FAM186A: variants seen among roughly 807,000 people sequenced by gnomAD.
FAM186A encodes the protein protein FAM186A.
Under a neutral mutation model 216.8 loss-of-function variants are expected in FAM186A, and 163 were observed. The observed-to-expected ratio is 0.75, with a 90% CI of 0.66 to 0.86. The LOEUF (loss-of-function observed/expected upper bound fraction) is 0.86. Among genes scored for constraint, FAM186A ranks in the 40% least tolerant of loss-of-function variants. The probability of loss-of-function intolerance (pLI) is 0.00; values close to 1 mark genes in which losing one functional copy is unlikely to be tolerated. For missense variants in FAM186A, 2,184 were observed against 2,746.2 expected, an observed-to-expected ratio of 0.80 and a Z score of 4.58; for synonymous variants, 805 against 1,025.3, an observed-to-expected ratio of 0.79 and a Z score of 4.10.
At chr12:50,338,921 A>C (rs1197097379) in intron 4 of FAM186A, among the ~76,000 whole-genome samples, 1 of 152,190 alleles carries the variant, frequency 6.6e-6, no homozygotes, top group African/African-American at 2.4e-5. Context: ...TCTCCTTGTC[A>C]GTGTTTCCTC....
intron 4 of FAM186A, among the ~76,000 whole-genome samples, chr12:50,339,137 A>T (rs1307900782): frequency 2.0e-5 from 3 of 151,606 alleles, no homozygotes; most frequent in Non-Finnish European, 1.5e-5. Context: ...ACCTCAGCCT[A>T]CCAAGTAGCT....
At chr12:50,375,300 C>A (rs1464286823) in intron 1 of FAM186A, among the ~76,000 whole-genome samples, 1 of 152,092 alleles carries the variant, frequency 6.6e-6, no homozygotes, top group Non-Finnish European at 1.5e-5. Context: ...GTAATCCCAG[C>A]AATTTGGGAG....
At chr12:50,373,078 A>AG (rs1943165235) in intron 1 of FAM186A, among the ~76,000 whole-genome samples, 1 of 145,038 alleles carries the variant, frequency 6.9e-6, no homozygotes, top group Non-Finnish European at 1.5e-5. Flanking sequence ...AAAGAAAGAG[A>AG]AAAGAAAGAA....
intron 4 of FAM186A, among the ~76,000 whole-genome samples, chr12:50,337,356 G>A (rs1592598489): frequency 7.1e-6 from 1 of 140,442 alleles, no homozygotes; most frequent in Non-Finnish European, 1.5e-5. Context: ...GTGCAGTGGC[G>A]CGATCTTGGC....
chr12:50,358,584 A>G (rs1943000427), intron 3 of FAM186A, among the ~76,000 whole-genome samples: 1 of 151,790 alleles, frequency 6.6e-6, no homozygotes, highest in Non-Finnish European at 1.5e-5. Flanking sequence ...TCCTGTCAAA[A>G]ACAAAACAAA....
chr12:50,343,581 G>A (rs1379177183), intron 4 of FAM186A, among the ~76,000 whole-genome samples: 2 of 150,828 alleles, frequency 1.3e-5, no homozygotes, highest in African/African-American at 4.9e-5. Flanking sequence ...GGACTACAGC[G>A]AACCCAGCTA....
At chr12:50,392,693 G>A (rs1943371214) in intron 1 of FAM186A, 1 of 151,224 alleles carries the variant, frequency 6.6e-6, no homozygotes, top group Admixed American at 6.6e-5. Flanking sequence ...CCGCCTCCTG[G>A]GTTCAAGCAA....
chr12:50,381,650 G>A (rs1943254498), intron 1 of FAM186A, among the ~76,000 whole-genome samples: 1 of 152,110 alleles, frequency 6.6e-6, no homozygotes, highest in African/African-American at 2.4e-5. Context: ...TTATATAACC[G>A]AACATAAACT....
intron 2 of FAM186A, among the ~76,000 whole-genome samples, chr12:50,361,550 G>T (rs1016727923): frequency 6.9e-6 from 1 of 143,922 alleles, no homozygotes; most frequent in Non-Finnish European, 1.5e-5. Context: ...AACTCATTTG[G>T]CAAGTTTATC....
At chr12:50,378,258 C>G (rs182157186) in intron 1 of FAM186A, among the ~76,000 whole-genome samples, 26 of 150,992 alleles carry the variant, frequency 1.7e-4, no homozygotes, top group Admixed American at 1.6e-3. Context: ...CAGCCGAGCA[C>G]GGTGGCTCAC....
Position 50,353,875 on chromosome 12 carries a change from TC to T in FAM186A, c.2956del (p.Asp986IlefsTer5). The T allele has an allele frequency of 6.4e-7, 1 of 1,551,876 alleles. No individual in the cohort carries two copies. The highest frequency in any genetic ancestry group is 8.7e-7 in the Non-Finnish European group (1 of 1,147,056). ...TTGTGTTTCCTTCATCTGCATCTGA[TC>T]CTTTGTTTTGATCTGCCTTTCGAGG... ...EDLERQIKTK[D>X]QMQMKETQPK... On this transcript the variant is annotated frameshift_variant, in exon 4 of 8. Coordinates refer to ENST00000327337, the MANE Select transcript of FAM186A (RefSeq NM_001145475.3). LOFTEE classifies it high-confidence loss of function.
At chr12:50,367,050 A>G (rs190597033) in intron 1 of FAM186A, among the ~76,000 whole-genome samples, 55 of 152,158 alleles carry the variant, frequency 3.6e-4, no homozygotes, top group Non-Finnish European at 4.7e-4. Flanking sequence ...GAAACTAGAA[A>G]TAGAAGAAAA....
At chr12:50,338,480 C>T (rs150618360) in intron 4 of FAM186A, among the ~76,000 whole-genome samples, 1,738 of 152,250 alleles carry the variant, frequency 0.011, 42 homozygotes, top group African/African-American at 0.04. Context: ...GGATTACAGG[C>T]ATGAGCTACC....
At chr12:50,344,867 G>A (rs765942850) in intron 4 of FAM186A, among the ~76,000 whole-genome samples, 13 of 152,226 alleles carry the variant, frequency 8.5e-5, no homozygotes, top group South Asian at 2.1e-4. Context: ...CCAGCTACTC[G>A]GAGGCTGATA....
In FAM186A at chr12:50,350,842, G is replaced by C. The variant is rs868064144; in HGVS notation, c.5990C>G (p.Ser1997Cys). Residue 1997 changes from serine to cysteine, a missense_variant, in exon 4 of 8, where the codon TCC becomes TGC. Ser to Cys is a moderately radical substitution (Grantham distance 112). Coordinates refer to ENST00000327337, the MANE Select transcript of FAM186A (RefSeq NM_001145475.3). ...KFQMSEVSDT[S>C]EETQILRDTF... Reference sequence around the variant, plus strand: ...GTCTCGAAGTATCTGGGTTTCTTCGGAAGTGTCAGAGACCTCCGACATTTG... The same window carrying C: ...GTCTCGAAGTATCTGGGTTTCTTCGCAAGTGTCAGAGACCTCCGACATTTG... The C allele has an allele frequency of 2.6e-6, 4 of 1,551,660 alleles. No homozygotes were observed. The highest frequency in any genetic ancestry group is 3.3e-4 in the Middle Eastern group (2 of 5,992).
chr12:50,372,833 A>G (rs1196381818), intron 1 of FAM186A, among the ~76,000 whole-genome samples: 2 of 149,694 alleles, frequency 1.3e-5, no homozygotes, highest in African/African-American at 2.5e-5. Context: ...CCCCGGAGGC[A>G]GAGGTTACTG....
intron 5 of FAM186A, 41 bp downstream of exon 5, chr12:50,333,870 T>G: frequency 6.6e-7 from 1 of 1,511,018 alleles, no homozygotes; most frequent in Non-Finnish European, 8.9e-7. Flanking sequence ...ACTTTCATGT[T>G]TTTACAACAT....
At chr12:50,392,223 A>T (rs1943363276) in intron 1 of FAM186A, among the ~76,000 whole-genome samples, 1 of 152,082 alleles carries the variant, frequency 6.6e-6, no homozygotes, top group African/African-American at 2.4e-5. Flanking sequence ...GGGCAAAATC[A>T]TTATGTCGAT....
intron 4 of FAM186A, among the ~76,000 whole-genome samples, chr12:50,341,844 G>A (rs1037408728): frequency 4.6e-5 from 7 of 151,402 alleles, no homozygotes; most frequent in Non-Finnish European, 1.0e-4. Flanking sequence ...CAAAAAAAAA[G>A]ATAAAATTGA....
Sources: gnomAD v4.1 joint callset for allele counts (sites outside exome capture counted in the v4.1 genomes callset) on GRCh38, gnomAD v4.1.1 for gene constraint, MANE v1.5 for transcripts, NCBI Gene and HGNC (gene_info 2026-07-23, HGNC 2026-07-21) for gene names.